Variants in LRP3 observed in about 807,000 individuals in gnomAD.
LRP3 encodes low-density lipoprotein receptor-related protein 3.
LRP3 carries 49 observed loss-of-function variants against 58.5 expected under a neutral mutation model. The observed-to-expected ratio is 0.84, with a 90% CI of 0.67 to 1.06. The LOEUF is 1.06. Among genes scored for constraint, LRP3 ranks in the 50% least tolerant of loss-of-function variants. The pLI is 0.00. For missense variants in LRP3, 1,019 were observed against 1,134.2 expected (o/e 0.90, Z 1.46); for synonymous variants, 485 against 492.2 (o/e 0.99, Z 0.20).
rs138753598 is a variant in LRP3, at chr19:33,196,746, C to T, written c.90C>T (p.Thr30=). Residue 30 remains threonine (T), a synonymous_variant, in exon 2 of 7, where the codon ACC becomes ACT. Transcript: ENST00000253193. The part of the protein sequence containing the change: ...AVVCLVNIFL[T]GRLSSAVPAL... ...CTCCCACAGTGAACATCTTTCTCAC[C>T]GGGAGACTCAGCAGTGCGGTTCCTG... 1.2e-5 allele frequency: 19 copies of T among 1,614,002 alleles called. No individual in the cohort carries two copies. The highest frequency in any genetic ancestry group is 1.1e-4 in the East Asian group (5 of 44,882).
rs776254384 is a variant in LRP3, at chr19:33,205,672, G to A, written c.902G>A (p.Arg301Gln). 2.2e-5 allele frequency: 36 copies of A among 1,608,524 alleles called. No individual in the cohort carries two copies. The highest frequency in any genetic ancestry group is 3.0e-5 in the Non-Finnish European group (35 of 1,179,430). ...CGGGTGCTGCTGCAGCTGGAACTGC[G>A]GCTGGGCTATGACGACTACGTGCAG... ...SRRVLLQLEL[R>Q]LGYDDYVQVY... The change falls in exon 5 of 7, where the codon CGG becomes CAG. Residue 301 changes from arginine (R) to glutamine (Q), a missense_variant. Transcript: ENST00000253193.
rs138530865 is a variant in LRP3, at chr19:33,208,764, G to A, written c.*1189G>A. 1 of 1,244,374 alleles carries A rather than the reference G, an allele frequency of 8.0e-7. No individual in the cohort carries two copies. The highest frequency in any genetic ancestry group is 1.1e-6 in the Non-Finnish European group (1 of 873,700). 77.1% of individuals were successfully genotyped at this position (1,244,374 alleles called of 1,614,324 possible). ...CCACATTTTAGGGCTTCCTTAAACAGGCTTCTGAGAGTCGTATCTTTTTTC... is the reference window on the plus strand; with the variant it reads ...CCACATTTTAGGGCTTCCTTAAACAAGCTTCTGAGAGTCGTATCTTTTTTC... On this transcript the variant is annotated 3_prime_UTR_variant, in exon 7 of 7. Transcript: ENST00000253193. The surrounding 1 kb of genome is among the most constrained non-coding windows in gnomAD (Gnocchi z 4.7).
intron 1 of LRP3, among the ~76,000 whole-genome samples, chr19:33,195,327 C>T (rs980095200): frequency 4.6e-5 from 7 of 152,148 alleles, no homozygotes; most frequent in African/African-American, 1.7e-4. Flanking sequence ...GAGGCGGCTT[C>T]CAGGGGACTC....
At chr19:33,198,918 TG>T (rs1390768446) in intron 2 of LRP3, among the ~76,000 whole-genome samples, 1 of 152,208 alleles carries the variant, frequency 6.6e-6, no homozygotes, top group Non-Finnish European at 1.5e-5. Flanking sequence ...CTGCAAATTG[TG>T]CTTTCTCAGG....
In LRP3 at chr19:33,208,794, T is replaced by C; in HGVS notation, c.*1219T>C. ...CTGAGAGTCGTATCTTTTTTCTTTT[T>C]TTTCCAGAAAAAAACAAAACAAAAC... is the stretch of plus-strand genomic sequence containing the variant. On this transcript the variant is annotated 3_prime_UTR_variant, in exon 7 of 7. Transcript: ENST00000253193. This position sits in a 1 kb window ranked among gnomAD's most constrained non-coding sequence, Gnocchi z 4.7. The C allele has an allele frequency of 6.4e-7, 1 of 1,550,622 alleles. No homozygotes were observed. The highest frequency in any genetic ancestry group is 8.8e-7 in the Non-Finnish European group (1 of 1,133,270).
In LRP3 at chr19:33,206,117, G is replaced by A. The variant is rs901874351; in HGVS notation, c.1347G>A (p.Glu449=). ...AAAGCTGTCCCGACGGCGCCGACGA[G>A]AAGAACTGCTTCTCCTGCCAGCCCG... ...NQKSCPDGAD[E]KNCFSCQPGT... The change falls in exon 5 of 7, where the codon GAG becomes GAA. Residue 449 remains glutamate (E), a synonymous_variant. Transcript: ENST00000253193. 6.2e-7 allele frequency: 1 copy of A among 1,609,780 alleles called. No homozygotes were observed. The highest frequency in any genetic ancestry group is 2.2e-5 in the East Asian group (1 of 44,804).
chr19:33,194,625 C>T lies in LRP3; in HGVS notation c.-161C>T, dbSNP rs1002739383. On this transcript the variant is annotated 5_prime_UTR_variant, in exon 1 of 7. Transcript: ENST00000253193. ...CACCGCACAAAGACGCCTCGGGAGC[C>T]GCCGCCTGCACCCGGGCCGCAGCAG... 6 of 160,278 alleles carry T rather than the reference C, an allele frequency of 3.7e-5. No individual in the cohort carries two copies. The highest frequency in any genetic ancestry group is 7.8e-5 in the Non-Finnish European group (6 of 76,752). 9.9% of individuals were successfully genotyped at this position (160,278 alleles called of 1,614,324 possible).
chr19:33,207,657 T>C lies in LRP3; in HGVS notation c.*82T>C. On this transcript the variant is annotated 3_prime_UTR_variant, in exon 7 of 7. Transcript: ENST00000253193. ...TCATTTCTACCCTGCCTCTGCGTCC[T>C]TTCTTATGGAGAGGCCCTCCGGGGA... is the stretch of plus-strand genomic sequence containing the variant. 8.7e-7 allele frequency: 1 copy of C among 1,156,058 alleles called. No homozygotes were observed. Among genetic ancestry groups the C allele is most frequent in the Middle Eastern group, 2.1e-4 (1 of 4,834 alleles). 71.6% of individuals were successfully genotyped at this position (1,156,058 alleles called of 1,614,324 possible). A position where few individuals can be genotyped will look rare whatever the true frequency, so the allele number is the denominator to read the frequency against.
At chr19:33,196,402 TA>T in intron 1 of LRP3, among the ~76,000 whole-genome samples, 1 of 145,076 alleles carries the variant, frequency 6.9e-6, no homozygotes, top group African/African-American at 2.9e-5. Context: ...AAATAAAAAA[TA>T]AAAAAATAAC....
At position 33,204,482 on chromosome 19, in the gene LRP3, G is replaced by A. The variant is rs1599936052; in HGVS notation, c.261-156G>A. On this transcript the variant is annotated intron_variant, in intron 3 of 6. Coordinates refer to ENST00000253193, the MANE Select transcript of LRP3 (RefSeq NM_002333.4). ...GGGGACAGAGTGGCTGGGAGTGGAGGAACCAGGCAGTCTGGAACATGAGGA... is the reference window on the plus strand; with the variant it reads ...GGGGACAGAGTGGCTGGGAGTGGAGAAACCAGGCAGTCTGGAACATGAGGA... 6.1e-6 allele frequency: 4 copies of A among 652,482 alleles called. No individual in the cohort carries two copies. In the East Asian group the frequency reaches 1.0e-4, roughly 17 times the overall value. 40.4% of individuals were successfully genotyped at this position (652,482 alleles called of 1,614,324 possible). A position where few individuals can be genotyped will look rare whatever the true frequency, so the allele number is the denominator to read the frequency against.
intron 4 of LRP3, 123 bp downstream of exon 4, chr19:33,204,975 G>A (rs908656210): frequency 1.6e-5 from 15 of 921,180 alleles, no homozygotes; most frequent in East Asian, 2.6e-5. Context: ...TCCCCTGACC[G>A]CCCTGTCAAT....
In LRP3 at chr19:33,206,994, G is replaced by A; in HGVS notation, c.1732G>A (p.Val578Met). 6.8e-7 allele frequency: 1 copy of A among 1,477,818 alleles called. No individual in the cohort carries two copies. The allele number at this position is 1,477,818 out of a possible 1,614,324, so 91.5% of individuals were successfully genotyped here. ...ACCCTGCTCCACCCCACAGGCCTCT[G>A]TGCTGCAGAATCTTCGCACAGCCAT... ...FPVYSASQAS[V>M]LQNLRTAMRR... The change falls in exon 7 of 7, where the codon GTG (valine) becomes ATG (methionine). Residue 578 changes from valine to methionine, a missense_variant. This residue lies in a region of LRP3 where 427 missense variants were observed against 408.6 expected (regional missense o/e 1.04). Transcript: ENST00000253193.
chr19:33,199,057 T>C (rs763493205), intron 2 of LRP3, among the ~76,000 whole-genome samples: 1 of 152,188 alleles, frequency 6.6e-6, no homozygotes, highest in Non-Finnish European at 1.5e-5. Context: ...CAGGCCATCT[T>C]CTGCCTGAGA....
chr19:33,199,634 C>T (rs536532821), intron 2 of LRP3, among the ~76,000 whole-genome samples: 35 of 152,288 alleles, frequency 2.3e-4, no homozygotes, highest in African/African-American at 8.4e-4. Flanking sequence ...AACAGTTTAA[C>T]CAAGTTTCCC....
At position 33,207,694 on chromosome 19, in the gene LRP3, G is replaced by C. The variant is rs1974441860; in HGVS notation, c.*119G>C. The C allele has an allele frequency of 1.2e-6, 1 of 800,570 alleles. No homozygotes were observed. The highest frequency in any genetic ancestry group is 2.0e-6 in the Non-Finnish European group (1 of 501,768). The allele number at this position is 800,570 out of a possible 1,614,324, so 49.6% of individuals were successfully genotyped here. On this transcript the variant is annotated 3_prime_UTR_variant, in exon 7 of 7. Coordinates refer to ENST00000253193, the MANE Select transcript of LRP3 (RefSeq NM_002333.4). ...AGGCCCTCCGGGGACCCCAGCGGAG[G>C]GGCTGGCCCCTAAGCCAGCTGGCTG...
chr19:33,205,507 A>G lies in LRP3; in HGVS notation c.737A>G (p.Glu246Gly). 6.4e-7 allele frequency: 1 copy of G among 1,561,300 alleles called. No individual in the cohort carries two copies. Among genetic ancestry groups the G allele is most frequent in the Non-Finnish European group, 8.6e-7 (1 of 1,158,446 alleles). ...CAGGACTGCGGCGACGGCTCGGATG[A>G]GGCGGGCTGCCCCGACCTGGCGTGC... ...GLQDCGDGSDEAGCPDLACGR... is the reference protein window; with the variant it reads ...GLQDCGDGSDGAGCPDLACGR... Residue 246 changes from glutamate to glycine, a missense_variant, in exon 5 of 7, where the codon GAG (glutamate) becomes GGG (glycine). Coordinates refer to ENST00000253193, the MANE Select transcript of LRP3 (RefSeq NM_002333.4).
At chr19:33,197,684 C>G (rs921539667) in intron 2 of LRP3, among the ~76,000 whole-genome samples, 1 of 152,294 alleles carries the variant, frequency 6.6e-6, no homozygotes, top group South Asian at 2.1e-4. Context: ...ATGGGGGCCT[C>G]TGACTTGTTC....
chr19:33,203,072 G>A lies in LRP3; in HGVS notation c.260+86G>A. On this transcript the variant is annotated intron_variant, in intron 3 of 6. Coordinates refer to ENST00000253193, the MANE Select transcript of LRP3 (RefSeq NM_002333.4). ...AGAATGTGTGTGTGTGAGCAGGTGT[G>A]GAGGGCACACGCCTGAGGGTGTACA... 2.7e-6 allele frequency: 4 copies of A among 1,492,924 alleles called. No homozygotes were observed. In the Admixed American group the frequency reaches 5.7e-5, roughly 21 times the overall value. The allele number at this position is 1,492,924 out of a possible 1,614,324, so 92.5% of individuals were successfully genotyped here.
intron 3 of LRP3, 43 bp from the exon 4 acceptor site, chr19:33,204,595 C>A: frequency 7.0e-7 from 1 of 1,420,456 alleles, no homozygotes; most frequent in Non-Finnish European, 9.8e-7. Flanking sequence ...CATGGAGATC[C>A]CACCTACTGC....
Sources: gnomAD v4.1 joint callset for allele counts (sites outside exome capture counted in the v4.1 genomes callset) on GRCh38, gnomAD v4.1.1 for gene constraint, gnomAD v4.1.1 regional missense constraint, Gnocchi (gnomAD v3.1) non-coding constraint, MANE v1.5 for transcripts, NCBI Gene and HGNC (gene_info 2026-07-23, HGNC 2026-07-21) for gene names.